METTL25B: variants seen among roughly 807,000 people sequenced by gnomAD.
METTL25B encodes the protein methyltransferase-like protein 25B.
METTL25B carries 38 observed loss-of-function variants against 48.4 expected under a neutral mutation model. The observed-to-expected ratio is 0.78, with a 90% confidence interval of 0.61 to 1.03. The LOEUF (loss-of-function observed/expected upper bound fraction) is 1.03. METTL25B is among the 50% of genes least tolerant of loss of function. METTL25B has a pLI of 0.00. For synonymous variants in METTL25B, 230 were observed against 254.5 expected, an observed-to-expected ratio of 0.90 and a Z score of 0.92; for missense variants, 537 against 603.7, an observed-to-expected ratio of 0.89 and a Z score of 1.16.
rs1253312448 is a variant in METTL25B at position 156,735,762 on chromosome 1, C to T, written c.1159C>T (p.Pro387Ser). The stretch of plus-strand genomic sequence containing the variant: ...GGGGCTACAGCGAGTGGGGCTAGAT[C>T]CCCAGCTGCCACTGAATCTGGCTGC... ...QRGLQRVGLDPQLPLNLAALQ... is the reference protein window; with the variant it reads ...QRGLQRVGLDSQLPLNLAALQ... Residue 387 changes from proline to serine, a missense_variant, in exon 7 of 8, where the codon CCC becomes TCC. By Grantham distance (74) the Pro-to-Ser change is moderately conservative (BLOSUM62 -1). Transcript: ENST00000368216. 1 of 1,611,472 alleles carries T rather than the reference C, an allele frequency of 6.2e-7. No individual in the cohort carries two copies. The highest frequency in any genetic ancestry group is 8.5e-7 in the Non-Finnish European group (1 of 1,179,410).
At position 156,728,816 on chromosome 1, in the gene METTL25B, C is replaced by T; in HGVS notation, c.-289C>T. 1 of 912,798 alleles carries T rather than the reference C, an allele frequency of 1.1e-6. No individual in the cohort carries two copies. The highest frequency in any genetic ancestry group is 1.4e-6 in the Non-Finnish European group (1 of 712,728). 56.5% of individuals were successfully genotyped at this position (912,798 alleles called of 1,614,324 possible). ...TTGGCCCGCCTCGTTGTGAGCTGAG[C>T]TCAGCGGCACGCTTTTGTGGCGTCA... On this transcript the variant is annotated 5_prime_UTR_variant, in exon 1 of 8. Coordinates refer to ENST00000368216, the MANE Select transcript of METTL25B (RefSeq NM_015997.4).
Position 156,732,389 on chromosome 1 carries a change from C to T in METTL25B, c.345C>T (p.Asn115=), listed in dbSNP as rs768650308. Residue 115 remains asparagine (N), a synonymous_variant, in exon 3 of 8, where the codon AAC becomes AAT. Transcript: ENST00000368216. ...GFQTPSEFLE[N]PSQSSRLTAP... ...AGACCCCCTCAGAATTCCTGGAGAA[C>T]CCCAGCCAGAGCTCCCGACTAACAG... 1.9e-5 allele frequency: 30 copies of T among 1,614,092 alleles called. No homozygotes were observed. In the African/African-American group the frequency reaches 3.1e-4, roughly 17 times the overall value.
rs1307950692 is a variant in METTL25B at position 156,728,496 on chromosome 1, C to G, written c.-609C>G. The stretch of plus-strand genomic sequence containing the variant: ...TGCGCGCCGACGAAGCCCGGGAAGG[C>G]AGGCGCGCGGGTTAGAACGCGCCAG... On this transcript the variant is annotated 5_prime_UTR_variant, in exon 1 of 8. Coordinates refer to ENST00000368216, the MANE Select transcript of METTL25B (RefSeq NM_015997.4). 5.1e-6 allele frequency: 5 copies of G among 985,510 alleles called. No individual in the cohort carries two copies. In the African/African-American group the frequency reaches 8.7e-5, roughly 17 times the overall value. The allele number at this position is 985,510 out of a possible 1,614,324, so 61.0% of individuals were successfully genotyped here.
Position 156,729,070 on chromosome 1 carries a change from G to C in METTL25B, c.-35G>C. 1 of 1,334,870 alleles carries C rather than the reference G, an allele frequency of 7.5e-7. No individual in the cohort carries two copies. The highest frequency in any genetic ancestry group is 1.1e-6 in the Non-Finnish European group (1 of 942,052). 82.7% of individuals were successfully genotyped at this position (1,334,870 alleles called of 1,614,324 possible). ...CTGACCCTGGATCCCTGTTCACTGC[G>C]TTCTCGCTCCCCGCGCTCCCTGCTG... On this transcript the variant is annotated 5_prime_UTR_variant, in exon 1 of 8. Coordinates refer to ENST00000368216, the MANE Select transcript of METTL25B (RefSeq NM_015997.4).
rs202093470 is a variant in METTL25B, at chr1:156,730,575, AT to A, written c.111+1361del. Among the ~76,000 whole-genome samples, 973 of 148,972 alleles carry A rather than the reference AT, an allele frequency of 6.5e-3. 7 individuals are homozygous for A. Among genetic ancestry groups the A allele is most frequent in the African/African-American group, 0.022 (886 of 40,502 alleles). ...CCCGTCTCTACTAAAATAAAATAAA[AT>A]AAAAAAATAGCTAGGCTTGGCAGCA... On this transcript the variant is annotated intron_variant, in intron 1 of 7. Transcript: ENST00000368216.
chr1:156,728,571 A>G lies in METTL25B; in HGVS notation c.-534A>G. 3.1e-6 allele frequency: 3 copies of G among 976,516 alleles called. No homozygotes were observed. The highest frequency in any genetic ancestry group is 3.6e-6 in the Non-Finnish European group (3 of 826,944). The allele number at this position is 976,516 out of a possible 1,614,324, so 60.5% of individuals were successfully genotyped here. ...CGCCCCGACCCCAGGTAGTGAGGCC[A>G]GTGATTCCGAGTGTGTGAGGAGCGG... On this transcript the variant is annotated 5_prime_UTR_variant, in exon 1 of 8. Transcript: ENST00000368216.
chr1:156,736,339 A>T, intron 7 of METTL25B: 2 of 322,574 alleles, frequency 6.2e-6, no homozygotes, highest in Non-Finnish European at 1.2e-5. Context: ...CAGCCTGGGC[A>T]ACAGAGACTC....
intron 4 of METTL25B, 120 bp downstream of exon 4, chr1:156,733,167 T>C: frequency 1.7e-6 from 2 of 1,160,948 alleles, no homozygotes; most frequent in Non-Finnish European, 2.5e-6. Context: ...AATTTTTTTT[T>C]TCTCTTTGCA....
intron 4 of METTL25B, 31 bp from the exon 5 acceptor site, chr1:156,733,346 A>G: frequency 6.2e-7 from 1 of 1,613,484 alleles, no homozygotes; most frequent in East Asian, 2.2e-5. Context: ...GGCACTGAAC[A>G]GGGCTGTTTC....
intron 5 of METTL25B, chr1:156,733,747 C>T (rs563966254): frequency 1.6e-6 from 1 of 644,714 alleles, no homozygotes; most frequent in East Asian, 2.8e-5. Flanking sequence ...CTTCTCACTA[C>T]CTGTGAAGTG....
rs1465457656 is a variant in METTL25B, at chr1:156,732,365, G to C, written c.321G>C (p.Gln107His). 7 of 1,614,200 alleles carry C rather than the reference G, an allele frequency of 4.3e-6. No individual in the cohort carries two copies. The highest frequency in any genetic ancestry group is 5.9e-6 in the Non-Finnish European group (7 of 1,180,050). Residue 107 changes from glutamine to histidine, a missense_variant, in exon 3 of 8, where the codon CAG (glutamine) becomes CAC (histidine). By Grantham distance (24) the Gln-to-His change is conservative (BLOSUM62 0). Transcript: ENST00000368216. ...ALAFTRMPGF[Q>H]TPSEFLENPS... Reference sequence around the variant, plus strand: ...CCTTTACCCGGATGCCTGGCTTTCAGACCCCCTCAGAATTCCTGGAGAACC... The same window carrying C: ...CCTTTACCCGGATGCCTGGCTTTCACACCCCCTCAGAATTCCTGGAGAACC...
At position 156,730,870 on chromosome 1, in the gene METTL25B, A is replaced by G. The variant is rs1649224799; in HGVS notation, c.112-1121A>G. On this transcript the variant is annotated intron_variant, in intron 1 of 7. Transcript: ENST00000368216. ...CCTACCTCAAAGTGTTGTTTAAAGGATCAAATGCATTAATACATGTCAAAT... is the reference window on the plus strand; with the variant it reads ...CCTACCTCAAAGTGTTGTTTAAAGGGTCAAATGCATTAATACATGTCAAAT... 3.3e-5 allele frequency among the ~76,000 whole-genome samples: 5 copies of G among 152,360 alleles called. No individual in the cohort carries two copies. In the South Asian group the frequency reaches 1.0e-3, roughly 32 times the overall value.
intron 6 of METTL25B, among the ~76,000 whole-genome samples, chr1:156,735,109 C>T (rs1177950602): frequency 6.0e-5 from 9 of 151,098 alleles, no homozygotes; most frequent in African/African-American, 1.7e-4. Context: ...GCCAACATGG[C>T]GAAACCCCGT....
At position 156,734,155 on chromosome 1, in the gene METTL25B, G is replaced by A. The variant is rs1050479717; in HGVS notation, c.783G>A (p.Gly261=). ...RLLLTGLHAC[G]DLSVALLRHF... ...TGCTCACAGGCCTCCACGCCTGTGG[G>A]GATCTGAGTGTTGCCTTGCTGAGAC... The change falls in exon 6 of 8, where the codon GGG becomes GGA. Residue 261 remains glycine (G), a synonymous_variant. Coordinates refer to ENST00000368216, the MANE Select transcript of METTL25B (RefSeq NM_015997.4). The A allele has an allele frequency of 8.7e-6, 14 of 1,614,088 alleles. No individual in the cohort carries two copies. In the South Asian group the frequency reaches 9.9e-5, roughly 11 times the overall value.
intron 1 of METTL25B, among the ~76,000 whole-genome samples, chr1:156,730,330 T>C (rs1276500510): frequency 6.6e-6 from 1 of 152,220 alleles, no homozygotes; most frequent in Non-Finnish European, 1.5e-5. Flanking sequence ...GTTCTGCCAA[T>C]ATGGCAGGCA....
In METTL25B at chr1:156,734,076, G is replaced by T; in HGVS notation, c.704G>T (p.Cys235Phe). The change falls in exon 6 of 8, where the codon TGT (cysteine) becomes TTT (phenylalanine). Residue 235 changes from cysteine (C) to phenylalanine (F), a missense_variant. Transcript: ENST00000368216. ...VVRWVDPTAL[C>F]EELLLPLENP... ...AGGTGGGTAGACCCCACAGCCCTGT[G>T]TGAGGAGCTTCTGCTTCCACTGGAG... The T allele has an allele frequency of 1.2e-6, 2 of 1,614,186 alleles. No individual in the cohort carries two copies. Among genetic ancestry groups the T allele is most frequent in the Non-Finnish European group, 1.7e-6 (2 of 1,180,034 alleles).
intron 6 of METTL25B, 68 bp from the exon 7 acceptor site, chr1:156,735,657 G>T: frequency 7.3e-7 from 1 of 1,362,226 alleles, no homozygotes. Context: ...TTAGGAACAA[G>T]CAAAGTTTAA....
chr1:156,730,822 A>G (rs573854354), intron 1 of METTL25B, among the ~76,000 whole-genome samples: 2 of 152,372 alleles, frequency 1.3e-5, no homozygotes, highest in African/African-American at 4.8e-5. Flanking sequence ...CTACATCTGT[A>G]AAATGGGGGA....
At position 156,733,431 on chromosome 1, in the gene METTL25B, G is replaced by A. The variant is rs1558020717; in HGVS notation, c.547G>A (p.Glu183Lys). 3.1e-6 allele frequency: 5 copies of A among 1,614,010 alleles called. No individual in the cohort carries two copies. Among genetic ancestry groups the A allele is most frequent in the South Asian group, 1.1e-5 (1 of 91,076 alleles). The change falls in exon 5 of 8, where the codon GAA (glutamate) becomes AAA (lysine). Residue 183 changes from glutamate (E) to lysine (K), a missense_variant. By Grantham distance (56) the Glu-to-Lys change is moderately conservative. Coordinates refer to ENST00000368216, the MANE Select transcript of METTL25B (RefSeq NM_015997.4). ...CCTGGGGTTGATGGTGAAGAGCATC[G>A]AAGGGGATCAGAGACTGGTGGAGAG... ...LGLGLMVKSI[E>K]GDQRLVERAQ...
Sources: gnomAD v4.1 joint callset for allele counts (sites outside exome capture counted in the v4.1 genomes callset) on GRCh38, gnomAD v4.1.1 for gene constraint, MANE v1.5 for transcripts, NCBI Gene and HGNC (gene_info 2026-07-23, HGNC 2026-07-21) for gene names.